The following AGPAT4 variants were observed in gnomAD, a reference collection of about 807,000 sequenced individuals.
The protein encoded by AGPAT4 is 1-acylglycerol-3-phosphate O-acyltransferase 4, also known as 1-acyl-sn-glycerol-3-phosphate acyltransferase delta.
In AGPAT4, 15 loss-of-function variants were observed where a neutral mutation model predicts 48.0. The observed-to-expected ratio is 0.31, with a 90% CI of 0.21 to 0.48. The LOEUF (loss-of-function observed/expected upper bound fraction) is 0.48, where lower values mean the gene tolerates loss of function less well. Among genes scored for constraint, AGPAT4 ranks in the 20% least tolerant of loss-of-function variants. The pLI is 0.99. For missense variants in AGPAT4, 314 were observed against 482.5 expected, an observed-to-expected ratio of 0.65 and a Z score of 3.27; for synonymous variants, 178 against 198.7, an observed-to-expected ratio of 0.90 and a Z score of 0.88.
chr6:161,181,265 G>A (rs1375623162), intron 2 of AGPAT4, among the ~76,000 whole-genome samples: 1 of 152,150 alleles, frequency 6.6e-6, no homozygotes, highest in Non-Finnish European at 1.5e-5. Context: ...CACAGTCTGG[G>A]ATTGCTGAGG....
At chr6:161,191,061 A>C (rs974799557) in intron 2 of AGPAT4, among the ~76,000 whole-genome samples, 1 of 152,226 alleles carries the variant, frequency 6.6e-6, no homozygotes, top group Non-Finnish European at 1.5e-5. Context: ...TTAAGAACAC[A>C]ATATGGAGAA....
At chr6:161,209,392 G>A (rs1474731670) in intron 2 of AGPAT4, among the ~76,000 whole-genome samples, 1 of 152,204 alleles carries the variant, frequency 6.6e-6, no homozygotes, top group Non-Finnish European at 1.5e-5. Flanking sequence ...TTGCCAAGCT[G>A]CTAGAAAATT....
chr6:161,144,338 C>T lies in AGPAT4; in HGVS notation c.843+2186G>A. 1 of 405,502 alleles carries T rather than the reference C, an allele frequency of 2.5e-6. No homozygotes were observed. Among genetic ancestry groups the T allele is most frequent in the South Asian group, 1.8e-5 (1 of 55,512 alleles). The allele number at this position is 405,502 out of a possible 1,614,324, so 25.1% of individuals were successfully genotyped here. On this transcript the variant is annotated intron_variant, in intron 7 of 8. Coordinates refer to ENST00000320285, the MANE Select transcript of AGPAT4 (RefSeq NM_020133.3). This position sits in a 1 kb window ranked among gnomAD's most constrained non-coding sequence, Gnocchi z 6.6. ...CAGTGAGCTGGAAAACTGGGTAAAT[C>T]ACTTCATCTTTCGGACCTGAATTTC...
chr6:161,197,697 G>A lies in AGPAT4; in HGVS notation c.179-31280C>T, dbSNP rs529673007. Among the ~76,000 whole-genome samples, 1 of 152,302 alleles carries A rather than the reference G, an allele frequency of 6.6e-6. No individual in the cohort carries two copies. Among genetic ancestry groups the A allele is most frequent in the East Asian group, 1.9e-4 (1 of 5,172 alleles). On this transcript the variant is annotated intron_variant, in intron 2 of 8. Coordinates refer to ENST00000320285, the MANE Select transcript of AGPAT4 (RefSeq NM_020133.3). This position sits in a 1 kb window ranked among gnomAD's most constrained non-coding sequence, Gnocchi z 5.7. ...TCCTAGAAGGACTGGACAGGTGGAA[G>A]GGTGGGAGGCTAGAAGGAGAGCCTG...
chr6:161,161,255 G>A lies in AGPAT4; in HGVS notation c.348+4993C>T, dbSNP rs919633217. On this transcript the variant is annotated intron_variant, in intron 3 of 8. Coordinates refer to ENST00000320285, the MANE Select transcript of AGPAT4 (RefSeq NM_020133.3). This position sits in a 1 kb window ranked among gnomAD's most constrained non-coding sequence, Gnocchi z 4.6. ...AACGTGGGACCGGACTTTTACAGAT[G>A]AGCATGCGCTCCCACCTCCAGGATG... 3.7e-5 allele frequency: 17 copies of A among 456,558 alleles called. No individual in the cohort carries two copies. The highest frequency in any genetic ancestry group is 4.4e-5 in the Non-Finnish European group (10 of 226,966). The allele number at this position is 456,558 out of a possible 1,614,324, so 28.3% of individuals were successfully genotyped here. A position where few individuals can be genotyped will look rare whatever the true frequency, so the allele number is the denominator to read the frequency against.
At chr6:161,150,971 T>C (rs555026697) in intron 5 of AGPAT4, among the ~76,000 whole-genome samples, 1 of 152,262 alleles carries the variant, frequency 6.6e-6, no homozygotes, top group African/African-American at 2.4e-5. Flanking sequence ...TGACTCTGGT[T>C]AAGCAAAGGT....
At position 161,221,503 on chromosome 6, in the gene AGPAT4, G is replaced by A. The variant is rs1781834466; in HGVS notation, c.178+10533C>T. On this transcript the variant is annotated intron_variant, in intron 2 of 8. Coordinates refer to ENST00000320285, the MANE Select transcript of AGPAT4 (RefSeq NM_020133.3). This position sits in a 1 kb window ranked among gnomAD's most constrained non-coding sequence, Gnocchi z 4.5. Reference sequence around the variant, plus strand: ...GAAAAAGGGAGAGGAGAGAGAAATAGATACCATATTAATGTGTCATTTATC... The same window carrying A: ...GAAAAAGGGAGAGGAGAGAGAAATAAATACCATATTAATGTGTCATTTATC... 6.6e-6 allele frequency among the ~76,000 whole-genome samples: 1 copy of A among 152,212 alleles called. No individual in the cohort carries two copies. The highest frequency in any genetic ancestry group is 2.4e-5 in the African/African-American group (1 of 41,454).
chr6:161,195,842 C>G lies in AGPAT4; in HGVS notation c.179-29425G>C, dbSNP rs552679933. Among the ~76,000 whole-genome samples the G allele has an allele frequency of 1.6e-4, 25 of 152,320 alleles. No homozygotes were observed. The South Asian group carries it at 5.0e-3, about 30-fold the overall frequency. ...TCTCTGGGGCAGGTGTCAGGGCCAG[C>G]AGGCAGGCTGATTGTCTAGCGTTGG... On this transcript the variant is annotated intron_variant, in intron 2 of 8. Coordinates refer to ENST00000320285, the MANE Select transcript of AGPAT4 (RefSeq NM_020133.3). This position sits in a 1 kb window ranked among gnomAD's most constrained non-coding sequence, Gnocchi z 5.0.
chr6:161,236,348 T>C lies in AGPAT4; in HGVS notation c.-89-4046A>G, dbSNP rs1252935390. Among the ~76,000 whole-genome samples the C allele has an allele frequency of 6.6e-6, 1 of 152,172 alleles. No homozygotes were observed. Among genetic ancestry groups the C allele is most frequent in the Non-Finnish European group, 1.5e-5 (1 of 68,024 alleles). On this transcript the variant is annotated intron_variant, in intron 1 of 8. Transcript: ENST00000320285. This position sits in a 1 kb window ranked among gnomAD's most constrained non-coding sequence, Gnocchi z 5.0. Reference sequence around the variant, plus strand: ...TGCTTGACAAAGTAAAGATGATGTATTGCCTTTTTCTGGGTTTTGGTACTC... The same window carrying C: ...TGCTTGACAAAGTAAAGATGATGTACTGCCTTTTTCTGGGTTTTGGTACTC...
chr6:161,152,146 G>A (rs1779608874), intron 5 of AGPAT4, among the ~76,000 whole-genome samples: 2 of 152,222 alleles, frequency 1.3e-5, no homozygotes. Context: ...GGGATTGAAG[G>A]TGACACTGTG....
In AGPAT4 at chr6:161,165,788, C is replaced by CA. The variant is rs1780080614; in HGVS notation, c.348+459dup. Reference sequence around the variant, plus strand: ...CAGTTCACTCTCTCACTTATGGACTCAAAGTTCTTAAGCCTTCAACGATCA... The same window carrying CA: ...CAGTTCACTCTCTCACTTATGGACTCAAAAGTTCTTAAGCCTTCAACGATCA... On this transcript the variant is annotated intron_variant, in intron 3 of 8. Transcript: ENST00000320285. This position sits in a 1 kb window ranked among gnomAD's most constrained non-coding sequence, Gnocchi z 5.5. The CA allele has an allele frequency of 1.7e-6, 1 of 598,114 alleles. No individual in the cohort carries two copies. The highest frequency in any genetic ancestry group is 3.0e-6 in the Non-Finnish European group (1 of 332,018). The allele number at this position is 598,114 out of a possible 1,614,324, so 37.1% of individuals were successfully genotyped here.
Position 161,216,525 on chromosome 6 carries a change from G to A in AGPAT4, c.178+15511C>T, listed in dbSNP as rs1781651074. 6.6e-6 allele frequency among the ~76,000 whole-genome samples: 1 copy of A among 152,144 alleles called. No homozygotes were observed. Among genetic ancestry groups the A allele is most frequent in the Non-Finnish European group, 1.5e-5 (1 of 68,012 alleles). On this transcript the variant is annotated intron_variant, in intron 2 of 8. Coordinates refer to ENST00000320285, the MANE Select transcript of AGPAT4 (RefSeq NM_020133.3). This position sits in a 1 kb window ranked among gnomAD's most constrained non-coding sequence, Gnocchi z 4.8. Reference sequence around the variant, plus strand: ...AAACCAAAATGCTGGGGCAGCATCAGCCCCGACGCCCCAGGCCCCACCCCA... The same window carrying A: ...AAACCAAAATGCTGGGGCAGCATCAACCCCGACGCCCCAGGCCCCACCCCA...
chr6:161,239,160 G>A (rs559917923), intron 1 of AGPAT4, among the ~76,000 whole-genome samples: 38 of 152,166 alleles, frequency 2.5e-4, no homozygotes, highest in African/African-American at 7.5e-4. Context: ...GCGTTTGGTC[G>A]ATGGGACTGC....
Position 161,217,300 on chromosome 6 carries a change from A to G in AGPAT4, c.178+14736T>C, listed in dbSNP as rs1354107320. On this transcript the variant is annotated intron_variant, in intron 2 of 8. Coordinates refer to ENST00000320285, the MANE Select transcript of AGPAT4 (RefSeq NM_020133.3). The surrounding 1 kb of genome is among the most constrained non-coding windows in gnomAD (Gnocchi z 4.9). ...TCCCATCAATGCCTGGTACATGGTA[A>G]CAGAAGGTGCTCAATAGATGTCTAC... 6.6e-6 allele frequency among the ~76,000 whole-genome samples: 1 copy of G among 152,206 alleles called. No individual in the cohort carries two copies. Among genetic ancestry groups the G allele is most frequent in the African/African-American group, 2.4e-5 (1 of 41,460 alleles).
rs1210162386 is a variant in AGPAT4, at chr6:161,165,338, T to C, written c.348+910A>G. On this transcript the variant is annotated intron_variant, in intron 3 of 8. Coordinates refer to ENST00000320285, the MANE Select transcript of AGPAT4 (RefSeq NM_020133.3). This position sits in a 1 kb window ranked among gnomAD's most constrained non-coding sequence, Gnocchi z 5.5. ...GCCTCCAGGAACCAGACCCGTCTAG[T>C]TCCCTATGTCCTCCATGGCCTGATA... 6.6e-6 allele frequency among the ~76,000 whole-genome samples: 1 copy of C among 152,148 alleles called. No homozygotes were observed. The highest frequency in any genetic ancestry group is 1.5e-5 in the Non-Finnish European group (1 of 68,026).
At chr6:161,265,123 C>T (rs1182068541) in intron 1 of AGPAT4, among the ~76,000 whole-genome samples, 1 of 151,542 alleles carries the variant, frequency 6.6e-6, no homozygotes, top group Non-Finnish European at 1.5e-5. Context: ...GTACCCACTG[C>T]TGGACTGGGT....
At position 161,222,176 on chromosome 6, in the gene AGPAT4, A is replaced by G. The variant is rs565343079; in HGVS notation, c.178+9860T>C. ...CCTGGAAGATGCAGTCAATCCATCCATCAATCAATAAAAGGTGCTGATGAA... is the reference window on the plus strand; with the variant it reads ...CCTGGAAGATGCAGTCAATCCATCCGTCAATCAATAAAAGGTGCTGATGAA... On this transcript the variant is annotated intron_variant, in intron 2 of 8. Transcript: ENST00000320285. This position sits in a 1 kb window ranked among gnomAD's most constrained non-coding sequence, Gnocchi z 5.9. Among the ~76,000 whole-genome samples, 3 of 152,316 alleles carry G rather than the reference A, an allele frequency of 2.0e-5. No homozygotes were observed. Among genetic ancestry groups the G allele is most frequent in the African/African-American group, 7.2e-5 (3 of 41,588 alleles).
At chr6:161,160,821 T>C in intron 3 of AGPAT4, 1 of 360,740 alleles carries the variant, frequency 2.8e-6, no homozygotes, top group Non-Finnish European at 5.5e-6. Context: ...CCTTGTGGGA[T>C]GGCGTTAGCC....
rs780993476 is a variant in AGPAT4 at position 161,166,204 on chromosome 6, C to A, written c.348+44G>T. 6 of 1,600,498 alleles carry A rather than the reference C, an allele frequency of 3.7e-6. No individual in the cohort carries two copies. The highest frequency in any genetic ancestry group is 5.1e-6 in the Non-Finnish European group (6 of 1,172,172). Reference sequence around the variant, plus strand: ...CAAAAAGACAAGTGGTGGGGCTGAACCAGAGAAATGTGTGAGGCAGGGGGG... The same window carrying A: ...CAAAAAGACAAGTGGTGGGGCTGAAACAGAGAAATGTGTGAGGCAGGGGGG... On this transcript the variant is annotated intron_variant, in intron 3 of 8. Transcript: ENST00000320285. This position sits in a 1 kb window ranked among gnomAD's most constrained non-coding sequence, Gnocchi z 6.7.
Sources: allele counts gnomAD v4.1 joint callset (sites outside exome capture counted in the v4.1 genomes callset), GRCh38; gene constraint gnomAD v4.1.1; non-coding constraint Gnocchi (gnomAD v3.1); transcripts MANE v1.5; gene names NCBI Gene and HGNC (gene_info 2026-07-23, HGNC 2026-07-21).